Variants in SMYD2 observed in about 807,000 individuals in gnomAD.
The protein encoded by SMYD2 is N-lysine methyltransferase SMYD2.
A neutral mutation model predicts 59.1 loss-of-function variants in SMYD2; 53 were observed. The observed-to-expected ratio is 0.90, with a 90% CI of 0.72 to 1.13. SMYD2 has a LOEUF of 1.13. Ranked by LOEUF, SMYD2 falls within the 50% of genes most tolerant of loss-of-function variation. The probability of loss-of-function intolerance (pLI) is 0.00; values close to 1 mark genes in which losing one functional copy is unlikely to be tolerated. For missense variants in SMYD2, 494 were observed against 544.7 expected, an observed-to-expected ratio of 0.91 and a Z score of 0.93; for synonymous variants, 208 against 198.8, an observed-to-expected ratio of 1.05 and a Z score of -0.39.
chr1:214,308,108 G>A (rs1037158150), intron 2 of SMYD2, among the ~76,000 whole-genome samples: 4 of 152,206 alleles, frequency 2.6e-5, no homozygotes, highest in Non-Finnish European at 5.9e-5. Context: ...CCTGAGCACC[G>A]GGGATTACTT....
At chr1:214,305,346 C>A in intron 2 of SMYD2, 96 bp downstream of exon 2, 1 of 1,210,972 alleles carries the variant, frequency 8.3e-7, no homozygotes, top group Non-Finnish European at 1.2e-6. Context: ...GGAGCCAGAG[C>A]TGGAAAGCAT....
At chr1:214,308,534 G>A (rs1387982136) in intron 2 of SMYD2, among the ~76,000 whole-genome samples, 2 of 152,186 alleles carry the variant, frequency 1.3e-5, no homozygotes, top group African/African-American at 4.8e-5. Flanking sequence ...TAGAGGCTCT[G>A]CTTAAAGGAT....
intron 1 of SMYD2, among the ~76,000 whole-genome samples, chr1:214,283,708 G>C (rs1264085629): frequency 6.6e-6 from 1 of 152,184 alleles, no homozygotes; most frequent in Non-Finnish European, 1.5e-5. Flanking sequence ...TCAAAGTATA[G>C]GAGTAGAATT....
rs532793536 is a variant in SMYD2 at position 214,292,920 on chromosome 1, C to T, written c.173+11493C>T. On this transcript the variant is annotated intron_variant, in intron 1 of 11. Transcript: ENST00000366957. Reference sequence around the variant, plus strand: ...TCCTTCCTTATCCTCTGCCTCCTTCCTAGGTAAGGCCTTAGAGCCTTCAGT... The same window carrying T: ...TCCTTCCTTATCCTCTGCCTCCTTCTTAGGTAAGGCCTTAGAGCCTTCAGT... 9.2e-5 allele frequency among the ~76,000 whole-genome samples: 14 copies of T among 152,132 alleles called. No homozygotes were observed. In the South Asian group the frequency reaches 2.9e-3, roughly 32 times the overall value.
intron 1 of SMYD2, 143 bp from the exon 2 acceptor site, chr1:214,305,044 C>A: frequency 1.3e-6 from 1 of 767,754 alleles, no homozygotes; most frequent in Non-Finnish European, 2.3e-6. Flanking sequence ...TCTTAAGGAA[C>A]ATGCACCTTC....
Position 214,330,931 on chromosome 1 carries a change from T to G in SMYD2, c.817-19T>G. The G allele has an allele frequency of 6.2e-7, 1 of 1,613,836 alleles. No homozygotes were observed. Among genetic ancestry groups the G allele is most frequent in the Non-Finnish European group, 8.5e-7 (1 of 1,179,974 alleles). On this transcript the variant is annotated intron_variant, in intron 8 of 11. Transcript: ENST00000366957. ...TTCCATGGGCGGTAACGCCTTGCCC[T>G]TGTGGACGTTTCCTTCAGGATAAGG...
intron 1 of SMYD2, among the ~76,000 whole-genome samples, chr1:214,289,739 T>C (rs1656607483): frequency 6.6e-6 from 1 of 152,208 alleles, no homozygotes; most frequent in East Asian, 1.9e-4. Flanking sequence ...TCTCTTCTGA[T>C]CCTCCTGCTC....
intron 10 of SMYD2, chr1:214,332,534 T>C (rs1657372824): frequency 5.4e-6 from 1 of 183,876 alleles, no homozygotes; most frequent in Non-Finnish European, 1.1e-5. Flanking sequence ...AATTACTAAG[T>C]GGTGGTCTCA....
rs1656433554 is a variant in SMYD2 at position 214,281,204 on chromosome 1, C to T, written c.-51C>T. 8.3e-7 allele frequency: 1 copy of T among 1,207,132 alleles called. No homozygotes were observed. Among genetic ancestry groups the T allele is most frequent in the Non-Finnish European group, 1.0e-6 (1 of 966,972 alleles). The allele number at this position is 1,207,132 out of a possible 1,614,324, so 74.8% of individuals were successfully genotyped here. A position where few individuals can be genotyped will look rare whatever the true frequency, so the allele number is the denominator to read the frequency against. The stretch of plus-strand genomic sequence containing the variant: ...AGGTGACGCGTCTCCAATAACAGCT[C>T]GCCGGGAGCCGCAGCTCGGGCACAG... On this transcript the variant is annotated 5_prime_UTR_variant, in exon 1 of 12. Transcript: ENST00000366957.
At chr1:214,334,150 G>T (rs750109385) in intron 10 of SMYD2, 50 bp from the exon 11 acceptor site, 1 of 1,553,038 alleles carries the variant, frequency 6.4e-7, no homozygotes, top group Non-Finnish European at 8.9e-7. Context: ...CCTGTGGGGC[G>T]GCTCAGTAGC....
intron 1 of SMYD2, among the ~76,000 whole-genome samples, chr1:214,303,798 C>T (rs986406729): frequency 3.3e-5 from 5 of 152,218 alleles, no homozygotes; most frequent in African/African-American, 1.2e-4. Context: ...CGCGCACGCC[C>T]CCGCCCCCGT....
Position 214,318,919 on chromosome 1 carries a change from A to G in SMYD2, c.470A>G (p.His157Arg), listed in dbSNP as rs1457388768. Residue 157 changes from histidine (H) to arginine (R), a missense_variant, in exon 5 of 12, where the codon CAT becomes CGT. By Grantham distance (29) the His-to-Arg change is conservative. Coordinates refer to ENST00000366957, the MANE Select transcript of SMYD2 (RefSeq NM_020197.3). This position sits in a 1 kb window ranked among gnomAD's most constrained non-coding sequence, Gnocchi z 5.4. Reference sequence around the variant, plus strand: ...ATTCAGAGTGACATAGCTGCTCTCCATCACTTTTACTCCAAGCATCTCGGA... The same window carrying G: ...ATTCAGAGTGACATAGCTGCTCTCCGTCACTTTTACTCCAAGCATCTCGGA... Reference protein sequence around the residue: ...DLIQSDIAALHHFYSKHLGFP... With the variant: ...DLIQSDIAALRHFYSKHLGFP... The G allele has an allele frequency of 6.2e-7, 1 of 1,613,986 alleles. No homozygotes were observed. Among genetic ancestry groups the G allele is most frequent in the South Asian group, 1.1e-5 (1 of 91,080 alleles).
chr1:214,336,427 G>A (rs2102482457), intron 11 of SMYD2, among the ~76,000 whole-genome samples: 1 of 152,338 alleles, frequency 6.6e-6, no homozygotes, highest in East Asian at 1.9e-4. Context: ...AGCTACTCGG[G>A]AAGCTGAGGC....
chr1:214,325,102 T>C (rs2102475004), intron 6 of SMYD2, among the ~76,000 whole-genome samples: 1 of 152,352 alleles, frequency 6.6e-6, no homozygotes, highest in African/African-American at 2.4e-5. Context: ...GAGTACAGAC[T>C]ATATGAGCTT....
intron 2 of SMYD2, among the ~76,000 whole-genome samples, chr1:214,307,371 C>T (rs1341143642): frequency 1.3e-5 from 2 of 152,120 alleles, no homozygotes; most frequent in Non-Finnish European, 2.9e-5. Context: ...ACAGGAAAAT[C>T]GAATTTGTGT....
intron 1 of SMYD2, among the ~76,000 whole-genome samples, chr1:214,304,556 CTCAAAAAAA>C (rs1656885094): frequency 3.6e-5 from 1 of 27,628 alleles, no homozygotes; most frequent in South Asian, 1.4e-3. Flanking sequence ...GAGACCCTAT[CTCAAAAAAA>C]AAAAAAAAAA....
At position 214,336,734 on chromosome 1, in the gene SMYD2, A is replaced by G. The variant is rs747946052; in HGVS notation, c.1252A>G (p.Lys418Glu). The G allele has an allele frequency of 6.2e-7, 1 of 1,613,930 alleles. No homozygotes were observed. The highest frequency in any genetic ancestry group is 1.7e-5 in the Admixed American group (1 of 60,004). Residue 418 changes from lysine to glutamate, a missense_variant, in exon 12 of 12, where the codon AAA (lysine) becomes GAA (glutamate). Coordinates refer to ENST00000366957, the MANE Select transcript of SMYD2 (RefSeq NM_020197.3). The stretch of plus-strand genomic sequence containing the variant: ...TGCAATCATGGAAGTAGCTCACGGC[A>G]AAGATCATCCATATATTTCTGAGAT... ...AIAIMEVAHG[K>E]DHPYISEIKQ... is the part of the protein sequence containing the mutation.
intron 2 of SMYD2, among the ~76,000 whole-genome samples, chr1:214,307,252 G>T (rs1295275598): frequency 6.6e-6 from 1 of 152,228 alleles, no homozygotes; most frequent in Admixed American, 6.5e-5. Flanking sequence ...GCACAATGGT[G>T]CCCACCTTGA....
chr1:214,285,393 C>T (rs1656520282), intron 1 of SMYD2, among the ~76,000 whole-genome samples: 1 of 152,148 alleles, frequency 6.6e-6, no homozygotes, highest in South Asian at 2.1e-4. Flanking sequence ...GGACCTTGTG[C>T]CCAGGACTGC....
Sources: gnomAD v4.1 joint callset for allele counts (sites outside exome capture counted in the v4.1 genomes callset) on GRCh38, gnomAD v4.1.1 for gene constraint, Gnocchi (gnomAD v3.1) non-coding constraint, MANE v1.5 for transcripts, NCBI Gene and HGNC (gene_info 2026-07-23, HGNC 2026-07-21) for gene names.